MAN1C1: variants seen among roughly 807,000 people sequenced by gnomAD.
MAN1C1 encodes mannosyl-oligosaccharide 1,2-alpha-mannosidase IC.
In MAN1C1, 49 loss-of-function variants were observed where a neutral mutation model predicts 71.5. The ratio of observed to expected loss-of-function variants is 0.69; its 90% CI spans 0.54 to 0.87. The LOEUF (loss-of-function observed/expected upper bound fraction) is 0.87. MAN1C1 is among the 40% of genes least tolerant of loss of function. The probability of loss-of-function intolerance (pLI) is 0.00; values close to 1 mark genes in which losing one functional copy is unlikely to be tolerated. For synonymous variants in MAN1C1, 352 were observed against 343.7 expected, an observed-to-expected ratio of 1.02 and a Z score of -0.27; for missense variants, 743 against 835.0, an observed-to-expected ratio of 0.89 and a Z score of 1.36.
chr1:25,757,127 G>A (rs1341705395), intron 5 of MAN1C1, among the ~76,000 whole-genome samples: 1 of 152,174 alleles, frequency 6.6e-6, no homozygotes. Flanking sequence ...AGTTTAGAGA[G>A]AACAGCAGTA....
At chr1:25,684,864 G>A (rs1197562704) in intron 1 of MAN1C1, among the ~76,000 whole-genome samples, 3 of 152,234 alleles carry the variant, frequency 2.0e-5, no homozygotes, top group African/African-American at 7.2e-5. Flanking sequence ...ACAGATTGGT[G>A]CTTCTCACAT....
intron 2 of MAN1C1, among the ~76,000 whole-genome samples, chr1:25,736,394 C>T (rs1193489638): frequency 6.6e-6 from 1 of 152,194 alleles, no homozygotes; most frequent in Non-Finnish European, 1.5e-5. Context: ...TACTGGTATG[C>T]TGGGTGTGTC....
chr1:25,705,661 AT>A (rs2046511309), intron 2 of MAN1C1, among the ~76,000 whole-genome samples: 1 of 152,204 alleles, frequency 6.6e-6, no homozygotes, highest in Middle Eastern at 3.2e-3. Context: ...TAAGTATATT[AT>A]CAGTCAGGCA....
At chr1:25,620,444 T>TGTAGA (rs3835659) in intron 1 of MAN1C1, among the ~76,000 whole-genome samples, 25,512 of 151,946 alleles carry the variant, frequency 0.17, 5,360 homozygotes, top group African/African-American at 0.48. Flanking sequence ...ACCTGAAAGA[T>TGTAGA]GTAGAGTGGG....
chr1:25,668,562 T>TCTTTC lies in MAN1C1; in HGVS notation c.541-17878_541-17877insCTTTC, dbSNP rs1553184739. On this transcript the variant is annotated intron_variant, in intron 1 of 11. Coordinates refer to ENST00000374332, the MANE Select transcript of MAN1C1 (RefSeq NM_020379.4). ...AGCCTTCTACTTTTCTTTCTTTCTT[T>TCTTTC]TTTTTTTTTTTGAGACGGAGTCTTG... is the stretch of plus-strand genomic sequence containing the variant. Among the ~76,000 whole-genome samples, 63 of 144,916 alleles carry TCTTTC rather than the reference T, an allele frequency of 4.3e-4. 1 individual carries two copies. Among genetic ancestry groups the TCTTTC allele is most frequent in the South Asian group, 3.0e-3 (14 of 4,614 alleles).
chr1:25,668,333 G>A (rs2045950957), intron 1 of MAN1C1, among the ~76,000 whole-genome samples: 1 of 151,604 alleles, frequency 6.6e-6, no homozygotes, highest in African/African-American at 2.4e-5. Flanking sequence ...CCTGCTGGCT[G>A]CTGGCTGCCT....
chr1:25,637,551 A>G (rs2045479563), intron 1 of MAN1C1, among the ~76,000 whole-genome samples: 1 of 152,082 alleles, frequency 6.6e-6, no homozygotes, highest in Admixed American at 6.5e-5. Context: ...GGAATGTTCA[A>G]TAACTGTCAC....
chr1:25,626,654 G>A (rs1246942737), intron 1 of MAN1C1, among the ~76,000 whole-genome samples: 2 of 152,164 alleles, frequency 1.3e-5, no homozygotes, highest in South Asian at 2.1e-4. Flanking sequence ...CACTGCGCCC[G>A]GCCGTTTATT....
At chr1:25,702,423 G>A (rs1283914766) in intron 2 of MAN1C1, among the ~76,000 whole-genome samples, 1 of 152,206 alleles carries the variant, frequency 6.6e-6, no homozygotes, top group Non-Finnish European at 1.5e-5. Context: ...CTGAGGGTCG[G>A]GGCTGCAGCT....
In MAN1C1 at chr1:25,746,872, G is replaced by C; in HGVS notation, c.753+89G>C. The C allele has an allele frequency of 1.2e-6, 1 of 865,928 alleles. No individual in the cohort carries two copies. Among genetic ancestry groups the C allele is most frequent in the Non-Finnish European group, 1.8e-6 (1 of 550,622 alleles). 53.6% of individuals were successfully genotyped at this position (865,928 alleles called of 1,614,324 possible). ...CACCCTGTCATCTCTGAGACCCAGA[G>C]ATGTTGAGGGTCTCTCCCACGGCTG... On this transcript the variant is annotated intron_variant, in intron 3 of 11. Transcript: ENST00000374332. The surrounding 1 kb of genome is among the most constrained non-coding windows in gnomAD (Gnocchi z 4.0).
chr1:25,741,378 A>C (rs2047062147), intron 2 of MAN1C1, among the ~76,000 whole-genome samples: 2 of 152,290 alleles, frequency 1.3e-5, no homozygotes, highest in Non-Finnish European at 2.9e-5. Flanking sequence ...AGAGGTCTGG[A>C]GATGGGGAGG....
At chr1:25,759,879 C>T (rs897157603) in intron 6 of MAN1C1, 1 of 152,172 alleles carries the variant, frequency 6.6e-6, no homozygotes, top group Non-Finnish European at 1.5e-5. Context: ...TTAAACAGTC[C>T]GTCCTCCTGG....
chr1:25,627,584 T>G (rs2045316829), intron 1 of MAN1C1, among the ~76,000 whole-genome samples: 1 of 152,206 alleles, frequency 6.6e-6, no homozygotes, highest in Admixed American at 6.5e-5. Flanking sequence ...CAATCCATGC[T>G]TTCTTGATGC....
At chr1:25,754,048 A>G (rs2047252539) in intron 5 of MAN1C1, among the ~76,000 whole-genome samples, 1 of 152,134 alleles carries the variant, frequency 6.6e-6, no homozygotes, top group African/African-American at 2.4e-5. Context: ...TGAAGCTGCT[A>G]GGAGATCTCA....
intron 1 of MAN1C1, among the ~76,000 whole-genome samples, chr1:25,618,627 C>G (rs1179801721): frequency 1.3e-5 from 2 of 152,022 alleles, no homozygotes; most frequent in Admixed American, 6.6e-5. Flanking sequence ...TATGTCGTAT[C>G]CAACCCCCAG....
At chr1:25,653,472 T>C (rs2045721420) in intron 1 of MAN1C1, among the ~76,000 whole-genome samples, 1 of 152,230 alleles carries the variant, frequency 6.6e-6, no homozygotes, top group Admixed American at 6.5e-5. Flanking sequence ...TGTTGTGTTG[T>C]GACTACTCGT....
intron 2 of MAN1C1, among the ~76,000 whole-genome samples, chr1:25,737,537 C>T (rs553210386): frequency 6.6e-6 from 1 of 152,330 alleles, no homozygotes; most frequent in South Asian, 2.1e-4. Context: ...TTCATTCATT[C>T]ATTCAACAAC....
chr1:25,781,690 C>G (rs1221030967), intron 10 of MAN1C1, among the ~76,000 whole-genome samples: 2 of 152,108 alleles, frequency 1.3e-5, no homozygotes, highest in South Asian at 4.2e-4. Context: ...TTCTCTGCCC[C>G]TATCTCCCCC....
intron 2 of MAN1C1, among the ~76,000 whole-genome samples, chr1:25,723,933 G>C (rs1189670137): frequency 6.6e-6 from 1 of 152,064 alleles, no homozygotes; most frequent in Non-Finnish European, 1.5e-5. Context: ...AACAACCACA[G>C]ACCTCACTGG....
Sources: gnomAD v4.1 joint callset for allele counts (sites outside exome capture counted in the v4.1 genomes callset) on GRCh38, gnomAD v4.1.1 for gene constraint, Gnocchi (gnomAD v3.1) non-coding constraint, MANE v1.5 for transcripts, NCBI Gene and HGNC (gene_info 2026-07-23, HGNC 2026-07-21) for gene names.